ABLIM1: variants seen among roughly 807,000 people sequenced by gnomAD.
ABLIM1 encodes actin-binding LIM protein 1.
In ABLIM1, 40 loss-of-function variants were observed where a neutral mutation model predicts 107.0. The observed-to-expected ratio is 0.37, with a 90% CI of 0.29 to 0.49. The LOEUF (loss-of-function observed/expected upper bound fraction) is 0.49, where lower values mean the gene tolerates loss of function less well. Among genes scored for constraint, ABLIM1 ranks in the 20% least tolerant of loss-of-function variants. ABLIM1 has a pLI of 0.97. For missense variants in ABLIM1, 857 were observed against 1,008.5 expected (o/e 0.85, Z 2.04); for synonymous variants, 357 against 357.3 (o/e 1.00, Z 0.01).
chr10:114,799,099 G>A, the ABLIM1 span, among the ~76,000 whole-genome samples: 318 of 152,252 alleles, frequency 2.1e-3, no homozygotes, highest in Non-Finnish European at 3.3e-3. Flanking sequence ...TGTCCAGCCA[G>A]TACAGTATAC....
chr10:114,676,844 T>G (rs150208411), intron 1 of ABLIM1, among the ~76,000 whole-genome samples: 72 of 152,290 alleles, frequency 4.7e-4, no homozygotes, highest in African/African-American at 1.7e-3. Flanking sequence ...CAAGCGATTC[T>G]CCTGCCTCAG....
At chr10:114,438,647 A>C (rs1328896549) in intron 21 of ABLIM1, among the ~76,000 whole-genome samples, 1 of 152,160 alleles carries the variant, frequency 6.6e-6, no homozygotes, top group African/African-American at 2.4e-5. Flanking sequence ...TAGCTCATGA[A>C]TCTATGGGGC....
intron 6 of ABLIM1, among the ~76,000 whole-genome samples, chr10:114,502,951 T>C (rs1476474995): frequency 6.6e-6 from 1 of 152,220 alleles, no homozygotes; most frequent in South Asian, 2.1e-4. Flanking sequence ...AATCACTATG[T>C]TGACTTCTAA....
intron 1 of ABLIM1, among the ~76,000 whole-genome samples, chr10:114,602,193 T>C (rs549587894): frequency 6.6e-6 from 1 of 152,336 alleles, no homozygotes; most frequent in Admixed American, 6.5e-5. Context: ...TGGAGCCTGC[T>C]GTCTTCTCCC....
rs1363949255 is a variant in ABLIM1, at chr10:114,536,600, A to G, written c.894+8405T>C. ...AAGGTTCCTCGAAGTTGTAGTATAT[A>G]TCAGAACTTTGTTCCTTTTTATGGC... is the stretch of plus-strand genomic sequence containing the variant. On this transcript the variant is annotated intron_variant, in intron 6 of 22. Coordinates refer to ENST00000533213, the MANE Select transcript of ABLIM1 (RefSeq NM_002313.7). 2.6e-5 allele frequency among the ~76,000 whole-genome samples: 4 copies of G among 152,172 alleles called. No homozygotes were observed. The East Asian group carries it at 7.7e-4, about 29-fold the overall frequency.
At chr10:114,461,621 C>T (rs1217444296) in intron 12 of ABLIM1, among the ~76,000 whole-genome samples, 2 of 152,088 alleles carry the variant, frequency 1.3e-5, no homozygotes, top group East Asian at 1.9e-4. Flanking sequence ...GAGTTTGAGA[C>T]CAGCCTGGCC....
At position 114,491,771 on chromosome 10, in the gene ABLIM1, T is replaced by A; in HGVS notation, c.982+20A>T. On this transcript the variant is annotated intron_variant, in intron 7 of 22. Transcript: ENST00000533213. ...TTCCCCCAGCAAGGAAAACTTCTAG[T>A]GTTCTTGAGTCCACCTCACCTTGAA... 6.3e-7 allele frequency: 1 copy of A among 1,590,076 alleles called. No homozygotes were observed. The highest frequency in any genetic ancestry group is 8.6e-7 in the Non-Finnish European group (1 of 1,160,838).
Position 114,442,709 on chromosome 10 carries a change from T to C in ABLIM1, c.1934-923A>G, listed in dbSNP as rs114832666. Among the ~76,000 whole-genome samples, 400 of 152,334 alleles carry C rather than the reference T, an allele frequency of 2.6e-3. 1 individual carries two copies. Among genetic ancestry groups the C allele is most frequent in the African/African-American group, 9.0e-3 (376 of 41,574 alleles). On this transcript the variant is annotated intron_variant, in intron 17 of 22. Transcript: ENST00000533213. ...GCTGGGTATGTTAACTCAATTTCTATACCAGCCTCCTGATTTCTAAAATAG... is the reference window on the plus strand; with the variant it reads ...GCTGGGTATGTTAACTCAATTTCTACACCAGCCTCCTGATTTCTAAAATAG...
At chr10:114,634,195 C>G (rs953401355) in intron 1 of ABLIM1, among the ~76,000 whole-genome samples, 1 of 120,592 alleles carries the variant, frequency 8.3e-6, no homozygotes, top group Non-Finnish European at 1.6e-5. Context: ...TGCAGTGGCG[C>G]GATCTCGGCT....
intron 2 of ABLIM1, among the ~76,000 whole-genome samples, chr10:114,588,626 C>T (rs1289792658): frequency 6.6e-6 from 1 of 150,700 alleles, no homozygotes; most frequent in Non-Finnish European, 1.5e-5. Context: ...TCCTGAGTAG[C>T]TGGGACTACA....
chr10:114,748,900 T>C (rs10885603), intron 1 of ABLIM1, among the ~76,000 whole-genome samples: 75,017 of 151,822 alleles, frequency 0.49, 19,885 homozygotes, highest in Non-Finnish European at 0.59. Flanking sequence ...CTCAAACTCC[T>C]GGCTTCAAGC....
intron 6 of ABLIM1, among the ~76,000 whole-genome samples, chr10:114,510,796 A>G (rs2061746411): frequency 6.6e-6 from 1 of 151,712 alleles, no homozygotes; most frequent in Non-Finnish European, 1.5e-5. Flanking sequence ...GACTATAGGC[A>G]TGCACCACCA....
At chr10:114,475,489 T>C (rs574212073) in intron 8 of ABLIM1, among the ~76,000 whole-genome samples, 3 of 152,334 alleles carry the variant, frequency 2.0e-5, no homozygotes, top group Non-Finnish European at 4.4e-5. Flanking sequence ...TCATAGAGTT[T>C]ATTTTTTAAC....
chr10:114,514,875 C>T (rs1287138130), intron 6 of ABLIM1, among the ~76,000 whole-genome samples: 1 of 152,142 alleles, frequency 6.6e-6, no homozygotes, highest in Non-Finnish European at 1.5e-5. Flanking sequence ...AGGAAAAGCG[C>T]CTGTCATTGA....
At chr10:114,548,134 T>C (rs936053824) in intron 4 of ABLIM1, among the ~76,000 whole-genome samples, 3 of 152,212 alleles carry the variant, frequency 2.0e-5, no homozygotes, top group African/African-American at 7.2e-5. Flanking sequence ...CGCATAGGCA[T>C]TTATTAATTG....
chr10:114,678,307 CTACAT>C (rs2080582704), intron 1 of ABLIM1, among the ~76,000 whole-genome samples: 1 of 152,206 alleles, frequency 6.6e-6, no homozygotes, highest in Admixed American at 6.5e-5. Context: ...ACTGAACTAA[CTACAT>C]TAACCTGTTG....
At position 114,502,475 on chromosome 10, in the gene ABLIM1, A is replaced by T. The variant is rs199656624; in HGVS notation, c.895-10597T>A. On this transcript the variant is annotated intron_variant, in intron 6 of 22. Transcript: ENST00000533213. ...ACCTTCTTTGTAGGGGGAAAGAGGT[A>T]TGCCTTTTTAATTATTTTATTTTAT... 8.5e-5 allele frequency: 13 copies of T among 152,244 alleles called. No individual in the cohort carries two copies. In the East Asian group the frequency reaches 2.5e-3, roughly 29 times the overall value. 9.4% of individuals were successfully genotyped at this position (152,244 alleles called of 1,614,324 possible). A position where few individuals can be genotyped will look rare whatever the true frequency, so the allele number is the denominator to read the frequency against.
In ABLIM1 at chr10:114,555,634, G is replaced by C. The variant is rs2068631915; in HGVS notation, c.674-7858C>G. Among the ~76,000 whole-genome samples, 4 of 152,048 alleles carry C rather than the reference G, an allele frequency of 2.6e-5. No individual in the cohort carries two copies. In the South Asian group the frequency reaches 8.3e-4, roughly 32 times the overall value. ...GTAAATCATTACATTAAAAAACTAG[G>C]GAGAAACTTTATGCATCTAACCAAT... On this transcript the variant is annotated intron_variant, in intron 4 of 22. Transcript: ENST00000533213.
At position 114,437,884 on chromosome 10, in the gene ABLIM1, C is replaced by T. The variant is rs753127682; in HGVS notation, c.2183G>A (p.Arg728Gln). The T allele has an allele frequency of 2.5e-5, 41 of 1,613,936 alleles. No individual in the cohort carries two copies. Among genetic ancestry groups the T allele is most frequent in the South Asian group, 1.6e-4 (15 of 91,076 alleles). The change falls in exon 22 of 23, where the codon CGA becomes CAA. Residue 728 changes from arginine to glutamine, a missense_variant. This residue lies in a region of ABLIM1 where 193 missense variants were observed against 208.5 expected (regional missense o/e 0.93). Coordinates refer to ENST00000533213, the MANE Select transcript of ABLIM1 (RefSeq NM_002313.7). ...GTCCACCTCTCTGAGGATTTTGTTT[C>T]GCCCTCTGTTGGTCACCATGAGCAT... ...YEMLMVTNRG[R>Q]NKILREVDRT...
Sources: allele counts gnomAD v4.1 joint callset (sites outside exome capture counted in the v4.1 genomes callset), GRCh38; gene constraint gnomAD v4.1.1; regional missense constraint gnomAD v4.1.1; transcripts MANE v1.5; gene names NCBI Gene and HGNC (gene_info 2026-07-23, HGNC 2026-07-21).